STAU2: variants seen among roughly 807,000 people sequenced by gnomAD.
STAU2 encodes double-stranded RNA-binding protein Staufen homolog 2.
In STAU2, 20 loss-of-function variants were observed where a neutral mutation model predicts 65.9. That is an observed-to-expected ratio of 0.30 (90% CI 0.21 to 0.44). The LOEUF (loss-of-function observed/expected upper bound fraction) is 0.44. Among genes scored for constraint, STAU2 ranks in the 20% least tolerant of loss-of-function variants. The probability of loss-of-function intolerance (pLI) is 1.00; values close to 1 mark genes in which losing one functional copy is unlikely to be tolerated. For synonymous variants in STAU2, 232 were observed against 233.9 expected (o/e 0.99, Z 0.07); for missense variants, 558 against 683.9 (o/e 0.82, Z 2.05).
intron 13 of STAU2, among the ~76,000 whole-genome samples, chr8:73,472,828 C>A (rs1820107228): frequency 6.6e-6 from 1 of 151,816 alleles, no homozygotes. Flanking sequence ...ATATGTTGTG[C>A]CAGTAAGCTC....
At chr8:73,732,473 C>T (rs1391737248) in intron 3 of STAU2, 1 of 152,168 alleles carries the variant, frequency 6.6e-6, no homozygotes, top group Non-Finnish European at 1.5e-5. Flanking sequence ...TGGAAGCTGG[C>T]TACATATAAA....
chr8:73,690,703 T>C (rs923833364), intron 4 of STAU2, among the ~76,000 whole-genome samples: 1 of 152,176 alleles, frequency 6.6e-6, no homozygotes, highest in Non-Finnish European at 1.5e-5. Context: ...TCGGTGAATC[T>C]AAACCATACA....
chr8:73,560,905 C>T (rs1008975542), intron 12 of STAU2, among the ~76,000 whole-genome samples: 1 of 152,146 alleles, frequency 6.6e-6, no homozygotes, highest in African/African-American at 2.4e-5. Flanking sequence ...TCAGGACTGG[C>T]TGCTATTTTT....
chr8:73,682,171 T>C (rs1818477822), intron 5 of STAU2, among the ~76,000 whole-genome samples: 1 of 152,042 alleles, frequency 6.6e-6, no homozygotes, highest in African/African-American at 2.4e-5. Flanking sequence ...AACTGCAAAA[T>C]GCACATTGTA....
chr8:73,544,980 C>T (rs1283708139), intron 13 of STAU2, among the ~76,000 whole-genome samples: 1 of 152,150 alleles, frequency 6.6e-6, no homozygotes, highest in Non-Finnish European at 1.5e-5. Context: ...TAGCATGCTA[C>T]CCAGCATTTG....
At chr8:73,466,404 C>T (rs1819656861) in intron 13 of STAU2, among the ~76,000 whole-genome samples, 1 of 152,074 alleles carries the variant, frequency 6.6e-6, no homozygotes, top group Admixed American at 6.6e-5. Context: ...GCCTTTCTAC[C>T]CTCTGGCTTA....
At chr8:73,510,143 T>A (rs183954914) in intron 13 of STAU2, among the ~76,000 whole-genome samples, 40 of 152,238 alleles carry the variant, frequency 2.6e-4, no homozygotes, top group Non-Finnish European at 1.5e-5. Flanking sequence ...TCTCGGCTCA[T>A]GGCAACCTCC....
chr8:73,736,154 CTAAA>C (rs2130769604), intron 3 of STAU2, among the ~76,000 whole-genome samples: 1 of 152,242 alleles, frequency 6.6e-6, no homozygotes, highest in African/African-American at 2.4e-5. Flanking sequence ...CAGGAGAAAA[CTAAA>C]TAATAACTTT....
chr8:73,509,718 G>GA (rs529739496), intron 13 of STAU2, among the ~76,000 whole-genome samples: 21 of 151,144 alleles, frequency 1.4e-4, no homozygotes, highest in African/African-American at 4.8e-4. Flanking sequence ...TTCCTTATGT[G>GA]AAAAAAAATA....
chr8:73,553,519 AACT>A, intron 12 of STAU2, among the ~76,000 whole-genome samples: 1 of 152,338 alleles, frequency 6.6e-6, no homozygotes, highest in Admixed American at 6.5e-5. Flanking sequence ...AGAATCAGAA[AACT>A]CAAAGAACAA....
intron 3 of STAU2, among the ~76,000 whole-genome samples, chr8:73,721,286 C>CGAAAAAAA (rs1821660353): frequency 1.7e-5 from 1 of 57,438 alleles, no homozygotes; most frequent in Non-Finnish European, 3.0e-5. Flanking sequence ...AACCCCACCT[C>CGAAAAAAA]CAAAAAAAAA....
intron 1 of STAU2, among the ~76,000 whole-genome samples, chr8:73,744,351 TAAGAG>T (rs1242675693): frequency 6.6e-6 from 1 of 152,162 alleles, no homozygotes; most frequent in African/African-American, 2.4e-5. Flanking sequence ...CTATGCAGTC[TAAGAG>T]AATTCAATTT....
rs984716441 is a variant in STAU2, at chr8:73,573,434, T to C, written c.1222+9336A>G. ...GTTCATATGGAACCAAAAAAGAGCC[T>C]GCATTGCCAAGTCAATCCTAAGCCA... On this transcript the variant is annotated intron_variant, in intron 12 of 14. Coordinates refer to ENST00000524300, the MANE Select transcript of STAU2 (RefSeq NM_001164380.2). 5.3e-5 allele frequency among the ~76,000 whole-genome samples: 8 copies of C among 152,174 alleles called. 1 individual carries two copies. Among genetic ancestry groups the C allele is most frequent in the South Asian group, 4.1e-4 (2 of 4,832 alleles).
chr8:73,529,083 G>A (rs974454858), intron 13 of STAU2, among the ~76,000 whole-genome samples: 1 of 152,084 alleles, frequency 6.6e-6, no homozygotes, highest in African/African-American at 2.4e-5. Context: ...TATTCCCAAA[G>A]TACTATAAAG....
At position 73,556,195 on chromosome 8, in the gene STAU2, T is replaced by C. The variant is rs140322946; in HGVS notation, c.1223-3876A>G. 7.8e-4 allele frequency among the ~76,000 whole-genome samples: 119 copies of C among 152,344 alleles called. 4 individuals carry two copies. The East Asian group carries it at 0.021, about 27-fold the overall frequency. ...GTATAAAATTTCATTATATGAACTG[T>C]TTCTTAAAACAATTCCATATTATCA... On this transcript the variant is annotated intron_variant, in intron 12 of 14. Transcript: ENST00000524300.
intron 12 of STAU2, among the ~76,000 whole-genome samples, chr8:73,570,383 ACT>A (rs1808964015): frequency 6.6e-6 from 1 of 152,168 alleles, no homozygotes; most frequent in South Asian, 2.1e-4. Context: ...GTTGGAAAAC[ACT>A]CTGCAGGATA....
chr8:73,695,508 T>C lies in STAU2; in HGVS notation c.115-6695A>G, dbSNP rs1415384276. ...GCCCTGGGCTCTGACATGTACTGGC[T>C]TCAGGGGTGACCCAGCACATTCCCA... On this transcript the variant is annotated intron_variant, in intron 4 of 14. Transcript: ENST00000524300. 2.6e-5 allele frequency among the ~76,000 whole-genome samples: 4 copies of C among 152,200 alleles called. No homozygotes were observed. In the East Asian group the frequency reaches 7.7e-4, roughly 29 times the overall value.
chr8:73,502,444 T>C (rs186579689), intron 13 of STAU2, among the ~76,000 whole-genome samples: 2 of 152,136 alleles, frequency 1.3e-5, no homozygotes, highest in East Asian at 1.9e-4. Flanking sequence ...CTCTGACCTG[T>C]ACCTCACATT....
At chr8:73,720,201 G>A (rs1821540938) in intron 3 of STAU2, among the ~76,000 whole-genome samples, 1 of 151,226 alleles carries the variant, frequency 6.6e-6, no homozygotes, top group African/African-American at 2.4e-5. Context: ...ATCACTTGAG[G>A]TCAAGGCCAC....
Sources: allele counts gnomAD v4.1 joint callset (sites outside exome capture counted in the v4.1 genomes callset), GRCh38; gene constraint gnomAD v4.1.1; transcripts MANE v1.5; gene names NCBI Gene and HGNC (gene_info 2026-07-23, HGNC 2026-07-21).